The following ENTREP2 variants were observed in gnomAD, a reference collection of about 807,000 sequenced individuals.
The protein encoded by ENTREP2 is protein ENTREP2.
the ENTREP2 span, among the ~76,000 whole-genome samples, chr15:29,504,570 A>G: frequency 6.6e-6 from 1 of 152,252 alleles, no homozygotes; most frequent in South Asian, 2.1e-4. Flanking sequence ...ACCATGAAGA[A>G]GAACTGAAGC....
chr15:29,155,298 A>G, the ENTREP2 span, among the ~76,000 whole-genome samples: 3 of 151,066 alleles, frequency 2.0e-5, no homozygotes. Context: ...AGAAAAAAAA[A>G]AAAAAGAAGA....
the ENTREP2 span, among the ~76,000 whole-genome samples, chr15:29,166,837 A>C: frequency 6.6e-5 from 10 of 152,182 alleles, no homozygotes; most frequent in African/African-American, 2.4e-4. Context: ...ATTCATATGG[A>C]ACCAAAAAAG....
the ENTREP2 span, among the ~76,000 whole-genome samples, chr15:29,529,470 C>G: frequency 1.3e-5 from 2 of 151,872 alleles, no homozygotes; most frequent in African/African-American, 4.8e-5. Flanking sequence ...GTACCTGGCT[C>G]TGAGGTGTTT....
the ENTREP2 span, among the ~76,000 whole-genome samples, chr15:29,137,576 TG>T: frequency 6.6e-6 from 1 of 152,188 alleles, no homozygotes; most frequent in South Asian, 2.1e-4. Flanking sequence ...GGCTCATGCC[TG>T]TAATCCCAGC....
the ENTREP2 span, among the ~76,000 whole-genome samples, chr15:29,169,846 C>A: frequency 2.6e-5 from 4 of 152,144 alleles, no homozygotes; most frequent in Admixed American, 2.6e-4. Context: ...TTCTGTTCTA[C>A]ACAGGTCCCA....
chr15:29,159,650 TAC>T, the ENTREP2 span, among the ~76,000 whole-genome samples: 2 of 152,092 alleles, frequency 1.3e-5, no homozygotes, highest in South Asian at 2.1e-4. Context: ...ATTAGCTAGA[TAC>T]AGTGTCCACA....
the ENTREP2 span, among the ~76,000 whole-genome samples, chr15:29,285,955 C>G: frequency 6.6e-6 from 1 of 152,084 alleles, no homozygotes; most frequent in Non-Finnish European, 1.5e-5. Context: ...ATATGGTCTT[C>G]CCCCAAAAAA....
the ENTREP2 span, among the ~76,000 whole-genome samples, chr15:29,250,016 G>A: frequency 6.6e-6 from 1 of 152,280 alleles, no homozygotes; most frequent in East Asian, 1.9e-4. Context: ...AACCACTCAT[G>A]AGAATCTGCC....
chr15:29,296,439 T>C, the ENTREP2 span, among the ~76,000 whole-genome samples: 3 of 152,056 alleles, frequency 2.0e-5, no homozygotes, highest in African/African-American at 7.2e-5. Flanking sequence ...AAAAAACACA[T>C]GAAATCCTCA....
chr15:29,148,920 A>G, the ENTREP2 span, among the ~76,000 whole-genome samples: 3 of 150,998 alleles, frequency 2.0e-5, no homozygotes, highest in Non-Finnish European at 2.9e-5. Flanking sequence ...TCTGTCGCCC[A>G]GGCTGTAGTG....
chr15:29,647,103 C>T, the ENTREP2 span, among the ~76,000 whole-genome samples: 1 of 152,206 alleles, frequency 6.6e-6, no homozygotes, highest in Non-Finnish European at 1.5e-5. Context: ...GCTATTTCTA[C>T]ACTTGACTTT....
chr15:29,178,167 G>A, the ENTREP2 span, among the ~76,000 whole-genome samples: 8 of 151,764 alleles, frequency 5.3e-5, no homozygotes, highest in East Asian at 1.2e-3. Flanking sequence ...GGTGGTACGT[G>A]TCTATGGTCC....
chr15:29,603,669 C>T, the ENTREP2 span, among the ~76,000 whole-genome samples: 3 of 152,188 alleles, frequency 2.0e-5, no homozygotes, highest in South Asian at 2.1e-4. Context: ...GACAGAGCCT[C>T]GCTCTGTCAT....
chr15:29,670,310 A>G, the ENTREP2 span, among the ~76,000 whole-genome samples: 1 of 152,288 alleles, frequency 6.6e-6, no homozygotes. Flanking sequence ...CACTCTGCCT[A>G]GAAGTAAGAT....
chr15:29,247,736 T>C, the ENTREP2 span, among the ~76,000 whole-genome samples: 1 of 109,496 alleles, frequency 9.1e-6, no homozygotes, highest in African/African-American at 2.6e-5. Flanking sequence ...CCGGTATGTC[T>C]GTAAAAAAAA....
At chr15:29,213,751 C>A in the ENTREP2 span, among the ~76,000 whole-genome samples, 2 of 152,098 alleles carry the variant, frequency 1.3e-5, no homozygotes, top group East Asian at 3.9e-4. Context: ...TCAGAGTGAA[C>A]AGGCAACCTA....
At chr15:29,563,844 A>AAATAAATAAATAAATAAATAAATAAAT in the ENTREP2 span, among the ~76,000 whole-genome samples, 22 of 150,784 alleles carry the variant, frequency 1.5e-4, no homozygotes, top group African/African-American at 3.9e-4. Context: ...CTCAAAAATA[A>AAATAAATAAATAAATAAATAAATAAAT]AAATAAATAA....
At chr15:29,539,139 A>G in the ENTREP2 span, among the ~76,000 whole-genome samples, 1 of 151,750 alleles carries the variant, frequency 6.6e-6, no homozygotes, top group Non-Finnish European at 1.5e-5. Context: ...TGCACCCGAC[A>G]GAGGTCCCAG....
At chr15:29,352,524 C>T in the ENTREP2 span, among the ~76,000 whole-genome samples, 1 of 152,136 alleles carries the variant, frequency 6.6e-6, no homozygotes, top group Non-Finnish European at 1.5e-5. Context: ...CCTTCGGTCT[C>T]ATTCCCCGGC....
Sources: allele counts gnomAD v4.1 joint callset (sites outside exome capture counted in the v4.1 genomes callset), GRCh38; gene constraint gnomAD v4.1.1; transcripts MANE v1.5; gene names NCBI Gene and HGNC (gene_info 2026-07-23, HGNC 2026-07-21).